The following SLC35F3 variants were observed in gnomAD, a reference collection of about 807,000 sequenced individuals.
SLC35F3 encodes solute carrier family 35 member F3, also known as putative thiamine transporter SLC35F3.
Under a neutral mutation model 49.9 loss-of-function variants are expected in SLC35F3, and 25 were observed. The observed-to-expected ratio is 0.50, with a 90% confidence interval of 0.37 to 0.70. The LOEUF is 0.70. Ranked by LOEUF, SLC35F3 falls within the 30% of genes least tolerant of loss-of-function variation. The probability of loss-of-function intolerance (pLI) is 0.00; values close to 1 mark genes in which losing one functional copy is unlikely to be tolerated. For missense variants in SLC35F3, 525 were observed against 639.8 expected (o/e 0.82, Z 1.94); for synonymous variants, 275 against 265.4 (o/e 1.04, Z -0.35).
intron 2 of SLC35F3, among the ~76,000 whole-genome samples, chr1:234,134,089 G>A (rs1424781292): frequency 6.6e-6 from 1 of 152,132 alleles, no homozygotes; most frequent in African/African-American, 2.4e-5. Flanking sequence ...ATCATGGAGA[G>A]CTTTAAATGC....
chr1:234,214,313 G>A lies in SLC35F3; in HGVS notation c.284-17104G>A. On this transcript the variant is annotated intron_variant, in intron 2 of 7. Transcript: ENST00000366618. This position sits in a 1 kb window ranked among gnomAD's most constrained non-coding sequence, Gnocchi z 8.0. ...GGATGTGCGCTGCAGGGCGGCCGCCGCAGTGAGCAACGCGGCAACCGGAGC... is the reference window on the plus strand; with the variant it reads ...GGATGTGCGCTGCAGGGCGGCCGCCACAGTGAGCAACGCGGCAACCGGAGC... 1 of 1,299,414 alleles carries A rather than the reference G, an allele frequency of 7.7e-7. No individual in the cohort carries two copies. Among genetic ancestry groups the A allele is most frequent in the Non-Finnish European group, 9.7e-7 (1 of 1,027,166 alleles). 80.5% of individuals were successfully genotyped at this position (1,299,414 alleles called of 1,614,324 possible).
intron 2 of SLC35F3, among the ~76,000 whole-genome samples, chr1:233,920,605 C>A (rs752054117): frequency 9.8e-5 from 15 of 152,338 alleles, no homozygotes; most frequent in Non-Finnish European, 2.1e-4. Flanking sequence ...TAATCACCTC[C>A]CCTTGAGTGT....
At chr1:233,942,164 T>C (rs990500822) in intron 2 of SLC35F3, among the ~76,000 whole-genome samples, 3 of 152,006 alleles carry the variant, frequency 2.0e-5, no homozygotes, top group Non-Finnish European at 4.4e-5. Flanking sequence ...GGTTTCACTA[T>C]GTTGGCCAGG....
At position 233,940,517 on chromosome 1, in the gene SLC35F3, A is replaced by G. The variant is rs535690068; in HGVS notation, c.283+34759A>G. Among the ~76,000 whole-genome samples, 3 of 152,314 alleles carry G rather than the reference A, an allele frequency of 2.0e-5. No individual in the cohort carries two copies. The South Asian group carries it at 6.2e-4, about 32-fold the overall frequency. On this transcript the variant is annotated intron_variant, in intron 2 of 7. Coordinates refer to ENST00000366618, the MANE Select transcript of SLC35F3 (RefSeq NM_173508.4). ...GCGCAAAGTATGTGCACTTTGCCAC[A>G]ATCAACATGATTCTCCCATTCAAAG...
intron 2 of SLC35F3, among the ~76,000 whole-genome samples, chr1:233,974,343 C>G (rs533844638): frequency 2.0e-5 from 3 of 152,026 alleles, no homozygotes; most frequent in East Asian, 3.9e-4. Context: ...CACCACCACC[C>G]TCGGCAGATT....
chr1:233,971,493 G>A (rs1300661927), intron 2 of SLC35F3, among the ~76,000 whole-genome samples: 1 of 152,276 alleles, frequency 6.6e-6, no homozygotes, highest in Admixed American at 6.5e-5. Flanking sequence ...AGGCCGAGGC[G>A]GGTGGATCAC....
chr1:234,062,954 G>T lies in SLC35F3; in HGVS notation c.283+157196G>T, dbSNP rs1335635486. On this transcript the variant is annotated intron_variant, in intron 2 of 7. Transcript: ENST00000366618. ...TCCGCCCGCCTCGGCCTCCCAAAGTGCTGGGATTACAGGTGTGAGCCACCA... is the reference window on the plus strand; with the variant it reads ...TCCGCCCGCCTCGGCCTCCCAAAGTTCTGGGATTACAGGTGTGAGCCACCA... 5.3e-5 allele frequency among the ~76,000 whole-genome samples: 8 copies of T among 151,582 alleles called. 1 individual carries two copies. Among genetic ancestry groups the T allele is most frequent in the Admixed American group, 2.0e-4 (3 of 15,174 alleles).
chr1:234,133,193 T>C (rs1046679262), intron 2 of SLC35F3, among the ~76,000 whole-genome samples: 1 of 152,218 alleles, frequency 6.6e-6, no homozygotes, highest in Non-Finnish European at 1.5e-5. Context: ...TTTCATTTAC[T>C]TAAAGCTCAT....
chr1:233,914,181 C>T (rs1454313972), intron 2 of SLC35F3, among the ~76,000 whole-genome samples: 1 of 152,166 alleles, frequency 6.6e-6, no homozygotes, highest in East Asian at 1.9e-4. Flanking sequence ...TCCATGCTAA[C>T]TCACTCAGCT....
intron 2 of SLC35F3, among the ~76,000 whole-genome samples, chr1:233,949,698 G>A (rs1662571630): frequency 6.6e-6 from 1 of 152,156 alleles, no homozygotes; most frequent in African/African-American, 2.4e-5. Context: ...CGCTGGGCAG[G>A]TTAATTAGTG....
chr1:234,262,599 G>A lies in SLC35F3; in HGVS notation c.608+30858G>A, dbSNP rs558099215. 9.2e-5 allele frequency among the ~76,000 whole-genome samples: 14 copies of A among 152,276 alleles called. No individual in the cohort carries two copies. In the East Asian group the frequency reaches 2.5e-3, roughly 27 times the overall value. ...CTTCCTGGTCCTCCGGAGGGCCGCT[G>A]GCATTTGACTTTGGCAGAATTAGGA... On this transcript the variant is annotated intron_variant, in intron 3 of 7. Coordinates refer to ENST00000366618, the MANE Select transcript of SLC35F3 (RefSeq NM_173508.4).
intron 2 of SLC35F3, among the ~76,000 whole-genome samples, chr1:234,056,864 C>T (rs1664463561): frequency 6.6e-6 from 1 of 152,166 alleles, no homozygotes; most frequent in African/African-American, 2.4e-5. Flanking sequence ...GGGTCTAACT[C>T]ATCCTTTTTT....
At chr1:233,964,687 G>A (rs1224405897) in intron 2 of SLC35F3, among the ~76,000 whole-genome samples, 3 of 152,176 alleles carry the variant, frequency 2.0e-5, no homozygotes, top group African/African-American at 4.8e-5. Context: ...ACAGACAGAG[G>A]GACAAAGGAG....
rs1370478023 is a variant in SLC35F3 at position 234,046,881 on chromosome 1, A to G, written c.283+141123A>G. The stretch of plus-strand genomic sequence containing the variant: ...TCAGTTTTCAAAATTTCACATACAC[A>G]TAGGTTTGTTTCTTTTACTATCCAC... On this transcript the variant is annotated intron_variant, in intron 2 of 7. Coordinates refer to ENST00000366618, the MANE Select transcript of SLC35F3 (RefSeq NM_173508.4). This position sits in a 1 kb window ranked among gnomAD's most constrained non-coding sequence, Gnocchi z 4.4. Among the ~76,000 whole-genome samples the G allele has an allele frequency of 2.0e-5, 3 of 152,112 alleles. No individual in the cohort carries two copies. Among genetic ancestry groups the G allele is most frequent in the Non-Finnish European group, 4.4e-5 (3 of 68,026 alleles).
chr1:233,995,873 A>T (rs1251449694), intron 2 of SLC35F3, among the ~76,000 whole-genome samples: 1 of 152,156 alleles, frequency 6.6e-6, no homozygotes, highest in Non-Finnish European at 1.5e-5. Flanking sequence ...CCTCTTGGTT[A>T]ACCCCCATTC....
At chr1:234,270,788 G>A (rs72760050) in intron 3 of SLC35F3, among the ~76,000 whole-genome samples, 3,560 of 152,328 alleles carry the variant, frequency 0.023, 71 homozygotes, top group Non-Finnish European at 0.037. Context: ...CAACTTGCAA[G>A]GCCAAATTGG....
intron 3 of SLC35F3, among the ~76,000 whole-genome samples, chr1:234,273,884 GT>G (rs1459567007): frequency 6.6e-6 from 1 of 152,138 alleles, no homozygotes; most frequent in Non-Finnish European, 1.5e-5. Flanking sequence ...GAAGCAAAAG[GT>G]AAGACTGACC....
chr1:233,920,258 C>G (rs1662037825), intron 2 of SLC35F3, among the ~76,000 whole-genome samples: 2 of 152,110 alleles, frequency 1.3e-5, no homozygotes, highest in South Asian at 4.1e-4. Context: ...TGTTAAAGAA[C>G]AAGTATGCAT....
At chr1:234,107,687 A>G (rs1362092020) in intron 2 of SLC35F3, among the ~76,000 whole-genome samples, 6 of 152,196 alleles carry the variant, frequency 3.9e-5, no homozygotes, top group Non-Finnish European at 8.8e-5. Context: ...AAATGGCTTC[A>G]GTCCATTTAT....
Sources: gnomAD v4.1 joint callset for allele counts (sites outside exome capture counted in the v4.1 genomes callset) on GRCh38, gnomAD v4.1.1 for gene constraint, Gnocchi (gnomAD v3.1) non-coding constraint, MANE v1.5 for transcripts, NCBI Gene and HGNC (gene_info 2026-07-23, HGNC 2026-07-21) for gene names.